The following ARL8B variants were observed in gnomAD, a reference collection of about 807,000 sequenced individuals.
The protein encoded by ARL8B is ADP-ribosylation factor-like protein 8B.
In ARL8B, 9 loss-of-function variants were observed where a neutral mutation model predicts 30.6. The ratio of observed to expected loss-of-function variants is 0.29; its 90% CI spans 0.18 to 0.51. The LOEUF (loss-of-function observed/expected upper bound fraction) is 0.51. Ranked by LOEUF, ARL8B falls within the 20% of genes least tolerant of loss-of-function variation. The probability of loss-of-function intolerance (pLI) is 0.97; values close to 1 mark genes in which losing one functional copy is unlikely to be tolerated. For synonymous variants in ARL8B, 74 were observed against 76.0 expected (o/e 0.97, Z 0.14); for missense variants, 130 against 227.2 (o/e 0.57, Z 2.75).
chr3:5,158,041 T>A (rs2054547422), intron 1 of ARL8B, among the ~76,000 whole-genome samples: 1 of 152,082 alleles, frequency 6.6e-6, no homozygotes, highest in Non-Finnish European at 1.5e-5. Flanking sequence ...AATGGAGCGA[T>A]CTCAGCTCAC....
At chr3:5,169,543 T>G (rs2054652646) in intron 1 of ARL8B, among the ~76,000 whole-genome samples, 1 of 148,500 alleles carries the variant, frequency 6.7e-6, no homozygotes, top group South Asian at 2.1e-4. Context: ...CTCTGCATTC[T>G]TTCCAGTGCT....
chr3:5,178,800 C>T lies in ARL8B; in HGVS notation c.*87C>T, dbSNP rs2054752623. 6.3e-7 allele frequency: 1 copy of T among 1,590,308 alleles called. No individual in the cohort carries two copies. The highest frequency in any genetic ancestry group is 1.3e-5 in the African/African-American group (1 of 74,226). The stretch of plus-strand genomic sequence containing the variant: ...CTGAAGTAATTCCCAGAATACGGTC[C>T]TTCCTAAACCCCAGAAATTGCCTTT... On this transcript the variant is annotated 3_prime_UTR_variant, in exon 7 of 7. Transcript: ENST00000256496.
At chr3:5,128,331 C>T (rs914897194) in intron 1 of ARL8B, 1 of 327,518 alleles carries the variant, frequency 3.1e-6, no homozygotes, top group Non-Finnish European at 6.1e-6. Context: ...AGCTAGTCTT[C>T]CAATAAGGTG....
intron 1 of ARL8B, among the ~76,000 whole-genome samples, chr3:5,160,116 C>T (rs868420697): frequency 1.2e-4 from 19 of 152,198 alleles, no homozygotes; most frequent in Non-Finnish European, 2.2e-4. Flanking sequence ...GGATTATGGC[C>T]GACCTTTGAT....
At position 5,126,191 on chromosome 3, in the gene ARL8B, T is replaced by G. The variant is rs549768739; in HGVS notation, c.123+3603T>G. 6.6e-5 allele frequency among the ~76,000 whole-genome samples: 10 copies of G among 152,246 alleles called. No homozygotes were observed. In the East Asian group the frequency reaches 1.7e-3, roughly 26 times the overall value. On this transcript the variant is annotated intron_variant, in intron 1 of 6. Transcript: ENST00000256496. Reference sequence around the variant, plus strand: ...TAGAATATGTTGAGGATGTAGTGATTAAAATCCAAGTTAGTGATTAAAGAT... The same window carrying G: ...TAGAATATGTTGAGGATGTAGTGATGAAAATCCAAGTTAGTGATTAAAGAT...
intron 1 of ARL8B, among the ~76,000 whole-genome samples, chr3:5,150,784 A>C (rs1330839091): frequency 2.6e-5 from 4 of 152,126 alleles, no homozygotes; most frequent in African/African-American, 9.7e-5. Flanking sequence ...CTCTGTCTCA[A>C]AATAAAATAA....
rs748509501 is a variant in ARL8B at position 5,162,698 on chromosome 3, AAAAT to A, written c.124-7800_124-7797del. Among the ~76,000 whole-genome samples the A allele has an allele frequency of 1.2e-4, 19 of 152,332 alleles. No individual in the cohort carries two copies. The South Asian group carries it at 1.4e-3, about 12-fold the overall frequency. ...CAGAAGAGCACTTTCTTTAGAAACA[AAAAT>A]AAATCCATTGAAGTTTTGAGAAACT... On this transcript the variant is annotated intron_variant, in intron 1 of 6. Transcript: ENST00000256496.
At chr3:5,176,007 T>G (rs1466988357) in intron 6 of ARL8B, among the ~76,000 whole-genome samples, 1 of 152,196 alleles carries the variant, frequency 6.6e-6, no homozygotes, top group African/African-American at 2.4e-5. Context: ...CATTAAACAT[T>G]CTAGCATAGT....
At chr3:5,157,212 G>C (rs1408059952) in intron 1 of ARL8B, among the ~76,000 whole-genome samples, 2 of 148,010 alleles carry the variant, frequency 1.4e-5, no homozygotes, top group African/African-American at 4.8e-5. Flanking sequence ...CACTTGGGTG[G>C]TGGTCTACCT....
intron 1 of ARL8B, among the ~76,000 whole-genome samples, chr3:5,135,228 C>T (rs1334810402): frequency 2.0e-5 from 3 of 152,088 alleles, no homozygotes; most frequent in African/African-American, 7.2e-5. Context: ...CTCCCATTTC[C>T]AATACAAAGA....
At chr3:5,138,214 TAGA>T (rs1191732139) in intron 1 of ARL8B, among the ~76,000 whole-genome samples, 3 of 148,172 alleles carry the variant, frequency 2.0e-5, no homozygotes, top group Admixed American at 6.8e-5. Flanking sequence ...TTCACCAGAG[TAGA>T]AGACTAGCAG....
At position 5,124,532 on chromosome 3, in the gene ARL8B, C is replaced by T. The variant is rs573048250; in HGVS notation, c.123+1944C>T. Among the ~76,000 whole-genome samples the T allele has an allele frequency of 3.3e-5, 5 of 152,126 alleles. No homozygotes were observed. In the East Asian group the frequency reaches 7.7e-4, roughly 24 times the overall value. On this transcript the variant is annotated intron_variant, in intron 1 of 6. Transcript: ENST00000256496. ...CCAGACTGGAGTGCAGTGGTGCAGT[C>T]GTAGCTCACTGCAGCCTCCAACTCC...
intron 1 of ARL8B, among the ~76,000 whole-genome samples, chr3:5,126,400 C>T (rs950133695): frequency 2.0e-5 from 3 of 152,102 alleles, no homozygotes; most frequent in South Asian, 2.1e-4. Context: ...ATTTAAGAAG[C>T]GACTTCTCAG....
intron 6 of ARL8B, among the ~76,000 whole-genome samples, chr3:5,175,407 G>A (rs1290336743): frequency 1.3e-5 from 2 of 152,224 alleles, no homozygotes; most frequent in African/African-American, 4.8e-5. Context: ...CTAGTATCCC[G>A]CTGTGCTTTA....
chr3:5,163,881 AAG>A (rs1463555610), intron 1 of ARL8B, among the ~76,000 whole-genome samples: 2 of 152,332 alleles, frequency 1.3e-5, no homozygotes, highest in East Asian at 1.9e-4. Flanking sequence ...GGGAGAAAAA[AAG>A]AGAGAGTGCT....
intron 1 of ARL8B, among the ~76,000 whole-genome samples, chr3:5,169,310 TG>T (rs1291065212): frequency 0.026 from 2,426 of 92,342 alleles, 83 homozygotes; most frequent in African/African-American, 0.14. Flanking sequence ...AGTGTTTGTG[TG>T]TGTGTGTGTG....
At chr3:5,172,615 A>G in intron 3 of ARL8B, 32 bp from the exon 4 acceptor site, 1 of 1,396,418 alleles carries the variant, frequency 7.2e-7, no homozygotes, top group Non-Finnish European at 1.0e-6. Context: ...GCATACAGAG[A>G]AGGTATGTTG....
At position 5,154,891 on chromosome 3, in the gene ARL8B, TTTTG is replaced by T. The variant is rs77688723; in HGVS notation, c.124-15596_124-15593del. Among the ~76,000 whole-genome samples, 1,025 of 151,294 alleles carry T rather than the reference TTTTG, an allele frequency of 6.8e-3. 12 individuals carry two copies. Among genetic ancestry groups the T allele is most frequent in the African/African-American group, 0.023 (963 of 41,082 alleles). On this transcript the variant is annotated intron_variant, in intron 1 of 6. Coordinates refer to ENST00000256496, the MANE Select transcript of ARL8B (RefSeq NM_018184.3). ...ATGCCCGGTGGATTTTTGTGGTTGT[TTTTG>T]TTTGTTTGTTTGTTTTTAAAGTAGA...
chr3:5,124,532 C>G (rs573048250), intron 1 of ARL8B, among the ~76,000 whole-genome samples: 2 of 152,010 alleles, frequency 1.3e-5, no homozygotes, highest in Non-Finnish European at 1.5e-5. Context: ...GTGGTGCAGT[C>G]GTAGCTCACT....
Sources: allele counts gnomAD v4.1 joint callset (sites outside exome capture counted in the v4.1 genomes callset), GRCh38; gene constraint gnomAD v4.1.1; transcripts MANE v1.5; gene names NCBI Gene and HGNC (gene_info 2026-07-23, HGNC 2026-07-21).